Variants in ARX observed in about 807,000 individuals in gnomAD.
ARX encodes the protein homeobox protein ARX.
Under a neutral mutation model 23.1 loss-of-function variants are expected in ARX, and 1 was observed. That is an observed-to-expected ratio of 0.04 (90% confidence interval 0.02 to 0.21). The LOEUF (loss-of-function observed/expected upper bound fraction) is 0.21. Among genes scored for constraint, ARX ranks in the 10% least tolerant of loss-of-function variants. The pLI is 1.00. For missense variants in ARX, 380 were observed against 527.5 expected (o/e 0.72, Z 2.74); for synonymous variants, 301 against 270.1 (o/e 1.11, Z -1.12).
chrX:25,010,701 A>G (rs987872585), intron 2 of ARX, among the ~76,000 whole-genome samples: 4 of 111,231 alleles, frequency 3.6e-5, no homozygotes, highest in Admixed American at 1.9e-4. Context: ...GTGGGATAGG[A>G]ACTCAGCACT....
rs1262340629 is a variant in ARX, at chrX:25,013,354, G to A, written c.641C>T (p.Ala214Val). The A allele has an allele frequency of 2.6e-6, 3 of 1,146,276 alleles. No homozygotes were observed. Among genetic ancestry groups the A allele is most frequent in the African/African-American group, 1.8e-5 (1 of 55,354 alleles). 94.5% of individuals were successfully genotyped at this position (1,146,276 alleles called of 1,213,427 possible). A position where few individuals can be genotyped will look rare whatever the true frequency, so the allele number is the denominator to read the frequency against. The stretch of plus-strand genomic sequence containing the variant: ...GCCGGTGCCACCACCCGCAGCCGGG[G>A]CGCTGCCCGGGCCGCCGGCCACGCC... ...RLGVAGGPGS[A>V]PAAGGGTGTE... The change falls in exon 2 of 5, where the codon GCC becomes GTC. Residue 214 changes from alanine to valine, a missense_variant. Physicochemically the swap from Ala to Val is moderately conservative, Grantham distance 64. Transcript: ENST00000379044.
chrX:25,008,159 G>A (rs898073171), intron 3 of ARX, among the ~76,000 whole-genome samples: 2 of 112,630 alleles, frequency 1.8e-5, no homozygotes, highest in African/African-American at 3.2e-5. Flanking sequence ...GAGTTAATTA[G>A]CAAGCATACA....
chrX:25,004,628 CCTTTCGGGGCG>C lies in ARX; in HGVS notation c.*31_*41del. 1 of 1,163,576 alleles carries C rather than the reference CCTTTCGGGGCG, an allele frequency of 8.6e-7. No homozygotes were observed. The highest frequency in any genetic ancestry group is 1.1e-6 in the Non-Finnish European group (1 of 872,641). ...TCTTGAGTGGTGCTGAGTGAGGTGACCTTTCGGGGCGCGCGCGGGGCGCGGGTGTGGAGGGC... is the reference window on the plus strand; with the variant it reads ...TCTTGAGTGGTGCTGAGTGAGGTGACCGCGCGGGGCGCGGGTGTGGAGGGC... On this transcript the variant is annotated 3_prime_UTR_variant, in exon 5 of 5. Coordinates refer to ENST00000379044, the MANE Select transcript of ARX (RefSeq NM_139058.3).
At position 25,004,727 on chromosome X, in the gene ARX, C is replaced by G. The variant is rs2048669156; in HGVS notation, c.1632G>C (p.Ala544=). ...ALRLKAKEHA[A]QLTQLNILPG... Reference sequence around the variant, plus strand: ...GCAGGATGTTGAGCTGCGTGAGCTGCGCCGCGTGCTCCTTGGCCTTGAGCC... The same window carrying G: ...GCAGGATGTTGAGCTGCGTGAGCTGGGCCGCGTGCTCCTTGGCCTTGAGCC... The change falls in exon 5 of 5, where the codon GCG becomes GCC. Residue 544 remains alanine (A), a synonymous_variant. Transcript: ENST00000379044. 8.6e-7 allele frequency: 1 copy of G among 1,164,473 alleles called. No individual in the cohort carries two copies. Among genetic ancestry groups the G allele is most frequent in the Non-Finnish European group, 1.1e-6 (1 of 872,478 alleles).
Position 25,004,429 on chromosome X carries a change from GGAGC to G in ARX, c.*237_*240del. The G allele has an allele frequency of 2.3e-6, 1 of 438,891 alleles. No homozygotes were observed. The highest frequency in any genetic ancestry group is 3.9e-6 in the Non-Finnish European group (1 of 259,576). The allele number at this position is 438,891 out of a possible 1,213,427, so 36.2% of individuals were successfully genotyped here. On this transcript the variant is annotated 3_prime_UTR_variant, in exon 5 of 5. Transcript: ENST00000379044. Reference sequence around the variant, plus strand: ...ACAAGAGAGAGTGGATGTTGGAGTTGGAGCGAGGTTGGCAGTAGCAGGGGCAGGG... The same window carrying G: ...ACAAGAGAGAGTGGATGTTGGAGTTGGAGGTTGGCAGTAGCAGGGGCAGGG...
At chrX:25,015,396 C>T in intron 1 of ARX, 146 bp downstream of exon 1, 2 of 774,764 alleles carry the variant, frequency 2.6e-6, no homozygotes, top group Non-Finnish European at 3.8e-6. Flanking sequence ...AGATGTTTAA[C>T]GCTCTTTGAG....
Position 25,013,399 on chromosome X carries a change from G to C in ARX, c.596C>G (p.Thr199Arg), listed in dbSNP as rs1268774120. The change falls in exon 2 of 5, where the codon ACG (threonine) becomes AGG (arginine). Residue 199 changes from threonine (T) to arginine (R), a missense_variant. Transcript: ENST00000379044. ...LDELGGPGGV[T>R]HPEERLGVAG... ...CACGCCGAGGCGCTCCTCCGGGTGCGTGACGCCCCCCGGGCCGCCCAGCTC... is the reference window on the plus strand; with the variant it reads ...CACGCCGAGGCGCTCCTCCGGGTGCCTGACGCCCCCCGGGCCGCCCAGCTC... 2.7e-5 allele frequency: 29 copies of C among 1,079,011 alleles called. No individual in the cohort carries two copies. Among genetic ancestry groups the C allele is most frequent in the Non-Finnish European group, 3.3e-5 (28 of 839,808 alleles). The allele number at this position is 1,079,011 out of a possible 1,213,427, so 88.9% of individuals were successfully genotyped here. A position where few individuals can be genotyped will look rare whatever the true frequency, so the allele number is the denominator to read the frequency against.
chrX:25,005,564 G>A (rs1302316539), intron 4 of ARX, among the ~76,000 whole-genome samples: 1 of 112,507 alleles, frequency 8.9e-6, no homozygotes, highest in East Asian at 2.8e-4. Context: ...GAGAGTGAAG[G>A]GCGACCGCCT....
chrX:25,015,743 G>C lies in ARX; in HGVS notation c.-6C>G. On this transcript the variant is annotated 5_prime_UTR_variant, in exon 1 of 5. Transcript: ENST00000379044. The stretch of plus-strand genomic sequence containing the variant: ...TCCTGGTACTGATTGCTCATGGCTG[G>C]GGCTTTTTCCCAGGGCGCAGAGAGC... 8.4e-7 allele frequency: 1 copy of C among 1,191,686 alleles called. No homozygotes were observed. Among genetic ancestry groups the C allele is most frequent in the Admixed American group, 2.3e-5 (1 of 44,149 alleles).
chrX:25,014,173 A>T (rs1471110655), intron 1 of ARX, among the ~76,000 whole-genome samples: 3 of 81,411 alleles, frequency 3.7e-5, no homozygotes, highest in Admixed American at 3.0e-4. Context: ...TCTTTTCCTC[A>T]CCTCTCTTTC....
In ARX at chrX:25,004,410, G is replaced by A; in HGVS notation, c.*260C>T. 2 of 407,876 alleles carry A rather than the reference G, an allele frequency of 4.9e-6. No homozygotes were observed. Among genetic ancestry groups the A allele is most frequent in the African/African-American group, 2.6e-5 (1 of 39,163 alleles). The allele number at this position is 407,876 out of a possible 1,213,427, so 33.6% of individuals were successfully genotyped here. A position where few individuals can be genotyped will look rare whatever the true frequency, so the allele number is the denominator to read the frequency against. ...TATTTTCAGGAAAGTAAGAACAAGA[G>A]AGAGTGGATGTTGGAGTTGGAGCGA... is the stretch of plus-strand genomic sequence containing the variant. On this transcript the variant is annotated 3_prime_UTR_variant, in exon 5 of 5. Transcript: ENST00000379044.
intron 3 of ARX, among the ~76,000 whole-genome samples, chrX:25,009,944 G>A (rs780347170): frequency 1.7e-4 from 19 of 110,669 alleles, no homozygotes; most frequent in African/African-American, 6.3e-4. Flanking sequence ...GTAGATCGGT[G>A]GATTGTTTCC....
rs760617042 is a variant in ARX at position 25,007,170 on chromosome X, G to A, written c.1389C>T (p.Ser463=). 37 of 1,196,365 alleles carry A rather than the reference G, an allele frequency of 3.1e-5. No individual in the cohort carries two copies. The highest frequency in any genetic ancestry group is 8.9e-5 in the Admixed American group (4 of 45,064). Residue 463 remains serine (S), a synonymous_variant, in exon 4 of 5, where the codon AGC becomes AGT. Transcript: ENST00000379044. The part of the protein sequence containing the change: ...LPPSGAPLGL[S]TFLGAAVFRH... The stretch of plus-strand genomic sequence containing the variant: ...GGAACACTGCCGCTCCGAGGAAAGT[G>A]CTCAGGCCCAGCGGCGCCCCGCTGG...
At chrX:25,010,167 A>AG in intron 3 of ARX, 93 bp downstream of exon 3, 3 of 867,201 alleles carry the variant, frequency 3.5e-6, no homozygotes, top group Non-Finnish European at 1.7e-6. Flanking sequence ...AGGGGATCTC[A>AG]CCCCCCGCAC....
intron 2 of ARX, among the ~76,000 whole-genome samples, chrX:25,012,207 A>T (rs1213334123): frequency 1.8e-5 from 2 of 112,657 alleles, no homozygotes; most frequent in Non-Finnish European, 3.8e-5. Flanking sequence ...GTTTACATTA[A>T]ACGCACGGTG....
At chrX:25,006,033 C>T (rs770670157) in intron 4 of ARX, 1 of 112,447 alleles carries the variant, frequency 8.9e-6, no homozygotes, top group Non-Finnish European at 1.9e-5. Flanking sequence ...ACCACCCCAG[C>T]CCAGACCCTC....
rs1272112847 is a variant in ARX, at chrX:25,013,680, CGCCGCCGCCGCT to C, written c.303_314del (p.Ala112_Ala115del). 3 of 839,721 alleles carry C rather than the reference CGCCGCCGCCGCT, an allele frequency of 3.6e-6. No individual in the cohort carries two copies. Among genetic ancestry groups the C allele is most frequent in the African/African-American group, 2.2e-5 (1 of 45,060 alleles). 69.2% of individuals were successfully genotyped at this position (839,721 alleles called of 1,213,427 possible). A position where few individuals can be genotyped will look rare whatever the true frequency, so the allele number is the denominator to read the frequency against. On this transcript the variant is annotated inframe_deletion, in exon 2 of 5. Transcript: ENST00000379044. ...CCGCTGCCGCCGCCGCCGCCGCCGCCGCCGCCGCCGCTGCCGCACCCTGAAGGAGGCGGCCCC... is the reference window on the plus strand; with the variant it reads ...CCGCTGCCGCCGCCGCCGCCGCCGCCGCCGCACCCTGAAGGAGGCGGCCCC...
chrX:25,011,762 T>C (rs2048703396), intron 2 of ARX, among the ~76,000 whole-genome samples: 1 of 112,912 alleles, frequency 8.9e-6, no homozygotes. Flanking sequence ...TCCCGAGCCC[T>C]AAGCAGCGAT....
Position 25,013,296 on chromosome X carries a change from G to A in ARX, c.699C>T (p.Asp233=), listed in dbSNP as rs1277580936. The A allele has an allele frequency of 3.5e-6, 4 of 1,154,826 alleles. No homozygotes were observed. In the Admixed American group the frequency reaches 7.7e-5, roughly 22 times the overall value. The change falls in exon 2 of 5, where the codon GAC becomes GAT. Residue 233 remains aspartate, a synonymous_variant. Transcript: ENST00000379044. ...TEDDEEELLE[D]EEDEDEEEEL... is the part of the protein sequence containing the mutation. ...CCTCTTCCTCGTCCTCATCTTCTTC[G>A]TCCTCCAGCAGCTCCTCCTCGTCGT...
Sources: gnomAD v4.1 joint callset for allele counts (sites outside exome capture counted in the v4.1 genomes callset) on GRCh38, gnomAD v4.1.1 for gene constraint, MANE v1.5 for transcripts, NCBI Gene and HGNC (gene_info 2026-07-23, HGNC 2026-07-21) for gene names.